CANT1: variants seen among roughly 807,000 people sequenced by gnomAD.
The protein encoded by CANT1 is calcium activated nucleotidase 1.
Under a neutral mutation model 30.0 loss-of-function variants are expected in CANT1, and 26 were observed. That is an observed-to-expected ratio of 0.87 (90% CI 0.64 to 1.20). The LOEUF (loss-of-function observed/expected upper bound fraction) is 1.20. Among genes scored for constraint, CANT1 ranks in the 50% most tolerant of loss-of-function variants. The pLI is 0.00. For synonymous variants in CANT1, 246 were observed against 251.8 expected (o/e 0.98, Z 0.22); for missense variants, 518 against 563.0 (o/e 0.92, Z 0.81).
Position 78,993,738 on chromosome 17 carries a change from G to A in CANT1, c.1018C>T (p.Pro340Ser), listed in dbSNP as rs748328987. Reference sequence around the variant, plus strand: ...TTGAAGGACGAGAAGCCGTGAGTGGGGACCACCGCCCCGACGTGGCTCACA... The same window carrying A: ...TTGAAGGACGAGAAGCCGTGAGTGGAGACCACCGCCCCGACGTGGCTCACA... Reference protein sequence around the residue: ...IAVSHVGAVVPTHGFSSFKFI... With the variant: ...IAVSHVGAVVSTHGFSSFKFI... Residue 340 changes from proline (P) to serine (S), a missense_variant, in exon 5 of 5, where the codon CCC becomes TCC. Around this residue, in one of 3 missense-constraint regions of CANT1, gnomAD observed 221 missense variants for 211.8 expected, o/e 1.04. Coordinates refer to ENST00000392446, the MANE Select transcript of CANT1 (RefSeq NM_001159773.2). The surrounding 1 kb of genome is among the most constrained non-coding windows in gnomAD (Gnocchi z 4.5). The A allele has an allele frequency of 1.9e-6, 3 of 1,613,902 alleles. No individual in the cohort carries two copies. The highest frequency in any genetic ancestry group is 2.5e-6 in the Non-Finnish European group (3 of 1,180,036).
intron 1 of CANT1, among the ~76,000 whole-genome samples, chr17:79,003,959 G>GGT (rs2071359321): frequency 1.0e-5 from 1 of 98,376 alleles, no homozygotes; most frequent in African/African-American, 4.2e-5. Flanking sequence ...GAGTTAGGGA[G>GGT]TAGGGAGTTG....
In CANT1 at chr17:79,000,410, C is replaced by A. The variant is rs62076464; in HGVS notation, c.-146-2447G>T. On this transcript the variant is annotated intron_variant, in intron 1 of 4. Transcript: ENST00000392446. ...TCTTCCATGGCCCTTCCTCACCATG[C>A]CATGCCGGCTGCCTCCCTCCACCCC... 768 of 153,034 alleles carry A rather than the reference C, an allele frequency of 5.0e-3. 4 individuals carry two copies. The highest frequency in any genetic ancestry group is 0.017 in the Middle Eastern group (5 of 302). 9.5% of individuals were successfully genotyped at this position (153,034 alleles called of 1,614,324 possible). A position where few individuals can be genotyped will look rare whatever the true frequency, so the allele number is the denominator to read the frequency against.
chr17:78,993,611 C>G lies in CANT1; in HGVS notation c.1145G>C (p.Arg382Pro), dbSNP rs544902800. The G allele has an allele frequency of 3.7e-6, 6 of 1,614,270 alleles. No homozygotes were observed. The highest frequency in any genetic ancestry group is 1.1e-5 in the South Asian group (1 of 91,090). ...GATCTTGGTCTCCGGCAACAGGAAG[C>G]GCCCGTCCAGCGTGAAGGCCATGAT... The part of the protein sequence containing the change: ...SYIMAFTLDG[R>P]FLLPETKIGS... The change falls in exon 5 of 5, where the codon CGC (arginine) becomes CCC (proline). Residue 382 changes from arginine to proline, a missense_variant. Arg to Pro is a moderately radical substitution (Grantham distance 103). Transcript: ENST00000392446. This position sits in a 1 kb window ranked among gnomAD's most constrained non-coding sequence, Gnocchi z 4.5.
rs1301465324 is a variant in CANT1, at chr17:78,997,575, G to T, written c.48C>A (p.His16Gln). The T allele has an allele frequency of 1.9e-6, 3 of 1,565,014 alleles. No homozygotes were observed. The highest frequency in any genetic ancestry group is 2.4e-5 in the South Asian group (2 of 83,258). ...GGCCCCCCACACTGATCCGGAGGGA[G>T]TGCATAGACTCATTCCATTCCGGGT... is the stretch of plus-strand genomic sequence containing the variant. ...SEHPEWNESM[H>Q]SLRISVGGLP... The change falls in exon 3 of 5, where the codon CAC becomes CAA. Residue 16 changes from histidine (H) to glutamine (Q), a missense_variant. By Grantham distance (24) the His-to-Gln change is conservative. Coordinates refer to ENST00000392446, the MANE Select transcript of CANT1 (RefSeq NM_001159773.2). The surrounding 1 kb of genome is among the most constrained non-coding windows in gnomAD (Gnocchi z 7.5).
rs183773559 is a variant in CANT1 at position 79,008,360 on chromosome 17, G to A, written c.-147+1304C>T. On this transcript the variant is annotated intron_variant, in intron 1 of 4. Coordinates refer to ENST00000392446, the MANE Select transcript of CANT1 (RefSeq NM_001159773.2). The surrounding 1 kb of genome is among the most constrained non-coding windows in gnomAD (Gnocchi z 4.4). ...TCAGAGGGAGAGGGAGGAAGAGCTG[G>A]GAGATAGCGGATCCTGAAGGGCTGC... Among the ~76,000 whole-genome samples the A allele has an allele frequency of 1.3e-3, 197 of 152,326 alleles. No individual in the cohort carries two copies. The highest frequency in any genetic ancestry group is 3.3e-3 in the Admixed American group (51 of 15,302).
At chr17:79,005,648 G>T (rs540242851) in intron 1 of CANT1, among the ~76,000 whole-genome samples, 1 of 152,066 alleles carries the variant, frequency 6.6e-6, no homozygotes, top group African/African-American at 2.4e-5. Flanking sequence ...CAGGTGGCAG[G>T]TGCGCCAACC....
chr17:78,994,627 C>A (rs771494029), intron 4 of CANT1, among the ~76,000 whole-genome samples: 64 of 152,176 alleles, frequency 4.2e-4, no homozygotes, highest in Non-Finnish European at 7.5e-4. Flanking sequence ...AAGAAACGGC[C>A]TTGGAGGCTG....
chr17:78,997,067 C>G lies in CANT1; in HGVS notation c.556G>C (p.Val186Leu). ...KLYSVDDRTGVVYQIEGSKAV... is the reference protein window; with the variant it reads ...KLYSVDDRTGLVYQIEGSKAV... ...TTGCTGCCTTCGATCTGGTAGACGA[C>G]CCCCGTCCGGTCATCCACGGAGTAG... The change falls in exon 3 of 5, where the codon GTC (valine) becomes CTC (leucine). Residue 186 changes from valine to leucine, a missense_variant. Val to Leu is a conservative substitution (Grantham distance 32). This residue lies in a region of CANT1 where 249 missense variants were observed against 268.8 expected (regional missense o/e 0.93). Transcript: ENST00000392446. This position sits in a 1 kb window ranked among gnomAD's most constrained non-coding sequence, Gnocchi z 7.5. 1 of 1,614,214 alleles carries G rather than the reference C, an allele frequency of 6.2e-7. No homozygotes were observed. Among genetic ancestry groups the G allele is most frequent in the South Asian group, 1.1e-5 (1 of 91,092 alleles).
rs749103286 is a variant in CANT1 at position 78,993,811 on chromosome 17, C to A, written c.945G>T (p.Lys315Asn). ...AGGCGCTCAGCAGCAGGTTGGCGCC[C>A]TTGCGCTCGTCGTCCTTCTCGCTGT... ...ERYSEKDDER[K>N]GANLLLSASP... is the part of the protein sequence containing the mutation. Residue 315 changes from lysine (K) to asparagine (N), a missense_variant, in exon 5 of 5, where the codon AAG becomes AAT. Lys to Asn is a moderately conservative substitution (Grantham distance 94, BLOSUM62 0). This residue lies in a region of CANT1 where 221 missense variants were observed against 211.8 expected (regional missense o/e 1.04). Transcript: ENST00000392446. This position sits in a 1 kb window ranked among gnomAD's most constrained non-coding sequence, Gnocchi z 4.5. The A allele has an allele frequency of 2.5e-6, 4 of 1,608,246 alleles. No homozygotes were observed. The Admixed American group carries it at 6.7e-5, about 27-fold the overall frequency.
rs1373727948 is a variant in CANT1 at position 78,993,910 on chromosome 17, G to C, written c.846C>G (p.Ile282Met). ...TGTCACTCCAGCAGGCAGACTCATGGATGAGGTAGCCTGGGAACCGGGTGA... is the reference window on the plus strand; with the variant it reads ...TGTCACTCCAGCAGGCAGACTCATGCATGAGGTAGCCTGGGAACCGGGTGA... The part of the protein sequence containing the change: ...AAGIQPPGYL[I>M]HESACWSDTL... The change falls in exon 5 of 5, where the codon ATC becomes ATG. Residue 282 changes from isoleucine to methionine, a missense_variant. Ile to Met is a conservative substitution (Grantham distance 10). Transcript: ENST00000392446. The surrounding 1 kb of genome is among the most constrained non-coding windows in gnomAD (Gnocchi z 4.5). The C allele has an allele frequency of 3.8e-6, 6 of 1,583,840 alleles. No individual in the cohort carries two copies. Among genetic ancestry groups the C allele is most frequent in the Non-Finnish European group, 5.1e-6 (6 of 1,171,898 alleles).
Position 78,997,590 on chromosome 17 carries a change from C to A in CANT1, c.33G>T (p.Trp11Cys). The change falls in exon 3 of 5, where the codon TGG becomes TGT. Residue 11 changes from tryptophan to cysteine, a missense_variant. This residue lies in a region of CANT1 where 249 missense variants were observed against 268.8 expected (regional missense o/e 0.93). Coordinates refer to ENST00000392446, the MANE Select transcript of CANT1 (RefSeq NM_001159773.2). This position sits in a 1 kb window ranked among gnomAD's most constrained non-coding sequence, Gnocchi z 7.5. MPVQLSEHPE[W>C]NESMHSLRIS... The stretch of plus-strand genomic sequence containing the variant: ...TCCGGAGGGAGTGCATAGACTCATT[C>A]CATTCCGGGTGCTCAGACAGCTGCA... The A allele has an allele frequency of 6.4e-7, 1 of 1,564,510 alleles. No individual in the cohort carries two copies. The highest frequency in any genetic ancestry group is 1.4e-5 in the African/African-American group (1 of 73,510).
At chr17:79,000,791 A>G (rs2071230115) in intron 1 of CANT1, among the ~76,000 whole-genome samples, 1 of 152,160 alleles carries the variant, frequency 6.6e-6, no homozygotes, top group Non-Finnish European at 1.5e-5. Context: ...CTCCCTGGGA[A>G]GACTTGCCCA....
rs2071113013 is a variant in CANT1 at position 78,998,297 on chromosome 17, G to A, written c.-146-334C>T. 1 of 155,910 alleles carries A rather than the reference G, an allele frequency of 6.4e-6. No homozygotes were observed. The highest frequency in any genetic ancestry group is 1.4e-5 in the Non-Finnish European group (1 of 70,186). The allele number at this position is 155,910 out of a possible 1,614,324, so 9.7% of individuals were successfully genotyped here. On this transcript the variant is annotated intron_variant, in intron 1 of 4. Coordinates refer to ENST00000392446, the MANE Select transcript of CANT1 (RefSeq NM_001159773.2). The surrounding 1 kb of genome is among the most constrained non-coding windows in gnomAD (Gnocchi z 4.5). ...CTCTGGGTTAGGCTCCTGCAGCATT[G>A]GAATACCAAACACATCCAAACCAAA...
chr17:79,009,436 G>A (rs577581401), intron 1 of CANT1, among the ~76,000 whole-genome samples: 1 of 152,372 alleles, frequency 6.6e-6, no homozygotes, highest in East Asian at 1.9e-4. Context: ...AGGGGGTGGT[G>A]TCCACCGCCT....
chr17:79,000,620 G>C (rs1438227644), intron 1 of CANT1, among the ~76,000 whole-genome samples: 1 of 152,130 alleles, frequency 6.6e-6, no homozygotes, highest in African/African-American at 2.4e-5. Flanking sequence ...CTCCCGCTCA[G>C]CCCTCACACT....
chr17:78,993,701 T>C lies in CANT1; in HGVS notation c.1055A>G (p.Asn352Ser). 1 of 1,614,170 alleles carries C rather than the reference T, an allele frequency of 6.2e-7. No homozygotes were observed. Among genetic ancestry groups the C allele is most frequent in the Non-Finnish European group, 8.5e-7 (1 of 1,180,038 alleles). The change falls in exon 5 of 5, where the codon AAC (asparagine) becomes AGC (serine). Residue 352 changes from asparagine (N) to serine (S), a missense_variant. Physicochemically the swap from Asn to Ser is conservative, Grantham distance 46. Transcript: ENST00000392446. The surrounding 1 kb of genome is among the most constrained non-coding windows in gnomAD (Gnocchi z 4.5). The stretch of plus-strand genomic sequence containing the variant: ...GGCCACAATGATCTGGTCGTCGGTG[T>C]TGGGGATGAACTTGAAGGACGAGAA... Reference protein sequence around the residue: ...HGFSSFKFIPNTDDQIIVALK... With the variant: ...HGFSSFKFIPSTDDQIIVALK...
Position 78,997,833 on chromosome 17 carries a change from T to C in CANT1, c.-23+7A>G, listed in dbSNP as rs1332415937. 6.5e-5 allele frequency: 32 copies of C among 488,872 alleles called. No homozygotes were observed. In the East Asian group the frequency reaches 7.5e-4, roughly 11 times the overall value. 30.3% of individuals were successfully genotyped at this position (488,872 alleles called of 1,614,324 possible). A position where few individuals can be genotyped will look rare whatever the true frequency, so the allele number is the denominator to read the frequency against. On this transcript the variant is annotated splice_region_variant and intron_variant, in intron 2 of 4. Transcript: ENST00000392446. The surrounding 1 kb of genome is among the most constrained non-coding windows in gnomAD (Gnocchi z 7.5). ...AGATTCCCGACTCTAGCAGTATCTT[T>C]GCTTACTTTCATTCGGCAAGACGTG...
Position 78,997,274 on chromosome 17 carries a change from A to G in CANT1, c.349T>C (p.Ser117Pro), listed in dbSNP as rs1555661870. 6.2e-7 allele frequency: 1 copy of G among 1,613,676 alleles called. No homozygotes were observed. The highest frequency in any genetic ancestry group is 1.1e-5 in the South Asian group (1 of 91,062). The change falls in exon 3 of 5, where the codon TCA becomes CCA. Residue 117 changes from serine to proline, a missense_variant. By Grantham distance (74) the Ser-to-Pro change is moderately conservative. Coordinates refer to ENST00000392446, the MANE Select transcript of CANT1 (RefSeq NM_001159773.2). The surrounding 1 kb of genome is among the most constrained non-coding windows in gnomAD (Gnocchi z 7.5). ...IAVIADLDTESRAQEENTWFS... is the reference protein window; with the variant it reads ...IAVIADLDTEPRAQEENTWFS... ...CAGGTGTTTTCCTCTTGGGCCCTTG[A>G]CTCTGTGTCCAGGTCTGCGATAACT...
chr17:78,997,959 T>G lies in CANT1; in HGVS notation c.-142A>C. The G allele has an allele frequency of 3.1e-6, 1 of 320,358 alleles. No homozygotes were observed. Among genetic ancestry groups the G allele is most frequent in the South Asian group, 8.0e-5 (1 of 12,430 alleles). The allele number at this position is 320,358 out of a possible 1,614,324, so 19.8% of individuals were successfully genotyped here. On this transcript the variant is annotated 5_prime_UTR_variant, in exon 2 of 5. Transcript: ENST00000392446. This position sits in a 1 kb window ranked among gnomAD's most constrained non-coding sequence, Gnocchi z 7.5. ...TTCCATGCAGGCTGGTGCTCTGTGG[T>G]CCCTCTAAAGAGAGAAGCGCAGGAG...
Sources: allele counts gnomAD v4.1 joint callset (sites outside exome capture counted in the v4.1 genomes callset), GRCh38; gene constraint gnomAD v4.1.1; regional missense constraint gnomAD v4.1.1; non-coding constraint Gnocchi (gnomAD v3.1); transcripts MANE v1.5; gene names NCBI Gene and HGNC (gene_info 2026-07-23, HGNC 2026-07-21).